STK33: variants seen among roughly 807,000 people sequenced by gnomAD.
The protein encoded by STK33 is serine/threonine kinase 33.
STK33 carries 52 observed loss-of-function variants against 58.0 expected under a neutral mutation model. The observed-to-expected ratio is 0.90, with a 90% CI of 0.72 to 1.13. The LOEUF is 1.13. Among genes scored for constraint, STK33 ranks in the 50% most tolerant of loss-of-function variants. The pLI is 0.00. For synonymous variants in STK33, 215 were observed against 200.1 expected, an observed-to-expected ratio of 1.07 and a Z score of -0.63; for missense variants, 630 against 604.2, an observed-to-expected ratio of 1.04 and a Z score of -0.45.
chr11:8,564,628 T>C (rs1957332256), intron 1 of STK33, among the ~76,000 whole-genome samples: 1 of 152,172 alleles, frequency 6.6e-6, no homozygotes, highest in South Asian at 2.1e-4. Flanking sequence ...GAAATACTTT[T>C]TGCAGTTAAC....
chr11:8,378,744 A>G, the STK33 span, among the ~76,000 whole-genome samples: 1 of 152,138 alleles, frequency 6.6e-6, no homozygotes, highest in Admixed American at 6.6e-5. Context: ...ATTCAGTGCA[A>G]TTCCTATCCT....
chr11:8,520,382 A>G (rs931160197), intron 1 of STK33, among the ~76,000 whole-genome samples: 1 of 152,212 alleles, frequency 6.6e-6, no homozygotes, highest in Non-Finnish European at 1.5e-5. Flanking sequence ...CCCACAGCCA[A>G]TATCATACTG....
chr11:8,452,203 G>A (rs557763980), intron 11 of STK33, among the ~76,000 whole-genome samples: 6 of 148,436 alleles, frequency 4.0e-5, no homozygotes, highest in East Asian at 4.0e-4. Flanking sequence ...ACTCCGTTTC[G>A]AAAAAAAAAG....
chr11:8,380,823 C>A, the STK33 span, among the ~76,000 whole-genome samples: 1 of 152,130 alleles, frequency 6.6e-6, no homozygotes, highest in Non-Finnish European at 1.5e-5. Flanking sequence ...TGCAAAGATA[C>A]GGAACCAACC....
chr11:8,529,742 T>C (rs1342279596), intron 1 of STK33, among the ~76,000 whole-genome samples: 1 of 152,094 alleles, frequency 6.6e-6, no homozygotes, highest in East Asian at 1.9e-4. Flanking sequence ...CCATAAGCCA[T>C]GGATCGCAGG....
At chr11:8,517,088 G>A (rs1952866856) in intron 1 of STK33, among the ~76,000 whole-genome samples, 1 of 152,148 alleles carries the variant, frequency 6.6e-6, no homozygotes, top group East Asian at 1.9e-4. Context: ...TCCCAGTAGG[G>A]GCCAACTGAT....
At chr11:8,461,674 T>A in intron 8 of STK33, 131 bp downstream of exon 8, 2 of 540,960 alleles carry the variant, frequency 3.7e-6, no homozygotes, top group Non-Finnish European at 6.2e-6. Context: ...AATGTTCTCA[T>A]CAATCTCCAG....
At chr11:8,367,074 C>CA in the STK33 span, among the ~76,000 whole-genome samples, 1 of 152,200 alleles carries the variant, frequency 6.6e-6, no homozygotes, top group African/African-American at 2.4e-5. Flanking sequence ...TGTGCATATA[C>CA]AAAGAGTTTA....
intron 1 of STK33, among the ~76,000 whole-genome samples, chr11:8,576,745 T>C (rs1958213442): frequency 6.6e-6 from 1 of 152,150 alleles, no homozygotes; most frequent in African/African-American, 2.4e-5. Context: ...GGTTCGGTAA[T>C]TTGCACAAGG....
At chr11:8,422,895 A>G (rs1227800133) in intron 14 of STK33, among the ~76,000 whole-genome samples, 1 of 151,250 alleles carries the variant, frequency 6.6e-6, no homozygotes, top group Non-Finnish European at 1.5e-5. Context: ...TGCAATCACG[A>G]GTCACTGCAG....
chr11:8,490,685 A>G (rs1443852648), intron 1 of STK33, among the ~76,000 whole-genome samples: 2 of 152,130 alleles, frequency 1.3e-5, no homozygotes, highest in African/African-American at 4.8e-5. Context: ...TTGACACCTC[A>G]TACAGGCAGG....
At chr11:8,504,487 C>T (rs1056783375) in intron 1 of STK33, among the ~76,000 whole-genome samples, 8 of 152,036 alleles carry the variant, frequency 5.3e-5, no homozygotes, top group Admixed American at 5.2e-4. Context: ...AATACAATTA[C>T]TATTAAAAAT....
At chr11:8,593,295 G>A (rs1341058718) in intron 1 of STK33, among the ~76,000 whole-genome samples, 2 of 152,186 alleles carry the variant, frequency 1.3e-5, no homozygotes, top group Non-Finnish European at 2.9e-5. Context: ...TTTCAAGGCA[G>A]GACTATCCTA....
rs562590746 is a variant in STK33 at position 8,440,637 on chromosome 11, T to C, written c.947+41A>G. 8 of 1,492,590 alleles carry C rather than the reference T, an allele frequency of 5.4e-6. No homozygotes were observed. The East Asian group carries it at 2.0e-4, about 37-fold the overall frequency. The allele number at this position is 1,492,590 out of a possible 1,614,324, so 92.5% of individuals were successfully genotyped here. A position where few individuals can be genotyped will look rare whatever the true frequency, so the allele number is the denominator to read the frequency against. On this transcript the variant is annotated intron_variant, in intron 12 of 15. Transcript: ENST00000687296. ...TCTATATCACTCTACTGTTAGAAAC[T>C]ATCCACTCATCTTAAAGTGTACATT...
intron 1 of STK33, among the ~76,000 whole-genome samples, chr11:8,524,471 G>A (rs114337213): frequency 0.012 from 1,811 of 152,148 alleles, 37 homozygotes; most frequent in African/African-American, 0.041. Flanking sequence ...GAATTAAATA[G>A]GCTTTTATCA....
chr11:8,384,986 C>T, the STK33 span, among the ~76,000 whole-genome samples: 1 of 152,196 alleles, frequency 6.6e-6, no homozygotes, highest in Non-Finnish European at 1.5e-5. Context: ...TACACTAGAA[C>T]TCTTCATTCC....
chr11:8,455,759 C>T (rs559386900), intron 9 of STK33, among the ~76,000 whole-genome samples: 360 of 133,780 alleles, frequency 2.7e-3, no homozygotes, highest in Admixed American at 6.1e-3. Flanking sequence ...TGCAGTGAGC[C>T]GAGATCGTGT....
the STK33 span, among the ~76,000 whole-genome samples, chr11:8,369,797 A>C: frequency 6.6e-6 from 1 of 152,246 alleles, no homozygotes; most frequent in African/African-American, 2.4e-5. Flanking sequence ...GTTGCTGTGC[A>C]TGCCCTCTGC....
Position 8,392,724 on chromosome 11 carries a change from G to A in STK33, c.1345-14C>T. On this transcript the variant is annotated splice_polypyrimidine_tract_variant and intron_variant, in intron 15 of 15. Transcript: ENST00000687296. ...ATAAGCAGTAGACTGCAAATAAAAG[G>A]TCTTGATTAATTTTCAGACACAAAG... The A allele has an allele frequency of 6.2e-7, 1 of 1,613,368 alleles. No individual in the cohort carries two copies. The highest frequency in any genetic ancestry group is 8.5e-7 in the Non-Finnish European group (1 of 1,179,488).
Sources: gnomAD v4.1 joint callset for allele counts (sites outside exome capture counted in the v4.1 genomes callset) on GRCh38, gnomAD v4.1.1 for gene constraint, MANE v1.5 for transcripts, NCBI Gene and HGNC (gene_info 2026-07-23, HGNC 2026-07-21) for gene names.